PRR14L: variants seen among roughly 807,000 people sequenced by gnomAD.
PRR14L encodes the protein protein PRR14L.
PRR14L carries 80 observed loss-of-function variants against 155.0 expected under a neutral mutation model. The ratio of observed to expected loss-of-function variants is 0.52; its 90% CI spans 0.43 to 0.62. The LOEUF is 0.62. Among genes scored for constraint, PRR14L ranks in the 20% least tolerant of loss-of-function variants. The probability of loss-of-function intolerance (pLI) is 0.00; values close to 1 mark genes in which losing one functional copy is unlikely to be tolerated. For missense variants in PRR14L, 2,469 were observed against 2,548.0 expected, an observed-to-expected ratio of 0.97 and a Z score of 0.67; for synonymous variants, 883 against 916.0, an observed-to-expected ratio of 0.96 and a Z score of 0.65.
chr22:31,743,533 G>A (rs959789544), intron 1 of PRR14L, among the ~76,000 whole-genome samples: 2 of 152,012 alleles, frequency 1.3e-5, no homozygotes, highest in African/African-American at 2.4e-5. Context: ...GGGAGCGGTG[G>A]CTCAAGCCTG....
chr22:31,738,059 C>T (rs2074791926), intron 2 of PRR14L, among the ~76,000 whole-genome samples: 1 of 151,748 alleles, frequency 6.6e-6, no homozygotes, highest in South Asian at 2.1e-4. Flanking sequence ...TGATACCTCA[C>T]TCCAACCTAC....
intron 1 of PRR14L, among the ~76,000 whole-genome samples, chr22:31,741,590 G>A (rs2074813377): frequency 6.6e-6 from 1 of 152,206 alleles, no homozygotes; most frequent in African/African-American, 2.4e-5. Flanking sequence ...AGTGCTGTAA[G>A]GCTGGGTGCG....
intron 2 of PRR14L, among the ~76,000 whole-genome samples, chr22:31,728,468 C>G (rs1028823165): frequency 2.0e-5 from 3 of 151,990 alleles, no homozygotes. Context: ...ATATAATTAG[C>G]TGGGCATGGT....
intron 1 of PRR14L, among the ~76,000 whole-genome samples, chr22:31,746,429 G>C (rs1219327216): frequency 6.6e-6 from 1 of 152,192 alleles, no homozygotes; most frequent in African/African-American, 2.4e-5. Flanking sequence ...TGAAGTAAAA[G>C]GGAAGAGTGA....
rs1415963077 is a variant in PRR14L at position 31,684,965 on chromosome 22, CACAA to C, written c.*558_*561del. ...AAACGATGGGAAAAAGCCACACACACACAAACACTCTCACATACACTCACATCAA... is the reference window on the plus strand; with the variant it reads ...AAACGATGGGAAAAAGCCACACACACACACTCTCACATACACTCACATCAA... On this transcript the variant is annotated 3_prime_UTR_variant, in exon 9 of 9. Transcript: ENST00000327423. 4 of 152,620 alleles carry C rather than the reference CACAA, an allele frequency of 2.6e-5. No homozygotes were observed. Among genetic ancestry groups the C allele is most frequent in the African/African-American group, 4.8e-5 (2 of 41,442 alleles). The allele number at this position is 152,620 out of a possible 1,614,324, so 9.5% of individuals were successfully genotyped here.
At chr22:31,728,017 CAAT>C (rs2074727076) in intron 2 of PRR14L, among the ~76,000 whole-genome samples, 1 of 151,252 alleles carries the variant, frequency 6.6e-6, no homozygotes, top group African/African-American at 2.4e-5. Flanking sequence ...AATCAATCGA[CAAT>C]AAAAGAGTGT....
rs765077953 is a variant in PRR14L, at chr22:31,716,006, T to C, written c.1833A>G (p.Lys611=). The C allele has an allele frequency of 8.4e-6, 13 of 1,550,774 alleles. No individual in the cohort carries two copies. The highest frequency in any genetic ancestry group is 1.1e-5 in the Non-Finnish European group (13 of 1,146,878). ...TATCATCATGTGAGGTCTGTATAAC[T>C]TTTTCTGACTCAGGTCTGTAATCAA... is the stretch of plus-strand genomic sequence containing the variant. The part of the protein sequence containing the change: ...PEFDYRPESE[K]VIQTSHDDIP... The change falls in exon 4 of 9, where the codon AAA becomes AAG. Residue 611 remains lysine (K), a synonymous_variant. Transcript: ENST00000327423.
chr22:31,688,265 T>A, intron 7 of PRR14L, 38 bp from the exon 8 acceptor site: 1 of 1,525,784 alleles, frequency 6.6e-7, no homozygotes. Context: ...TCAGGTTCTC[T>A]CTCTCTTTTT....
Position 31,738,787 on chromosome 22 carries a change from T to C in PRR14L, c.74A>G (p.Tyr25Cys). Reference protein sequence around the residue: ...SSMSAVVQELYSELPVSVSRE... With the variant: ...SSMSAVVQELCSELPVSVSRE... ...GGAGACACTTACTGGGAGTTCAGAGTATAATTCCTGTACCACGGCAGACAT... is the reference window on the plus strand; with the variant it reads ...GGAGACACTTACTGGGAGTTCAGAGCATAATTCCTGTACCACGGCAGACAT... Residue 25 changes from tyrosine to cysteine, a missense_variant, in exon 2 of 9, where the codon TAC becomes TGC. This residue lies in a region of PRR14L where 2,363 missense variants were observed against 2,371.6 expected (regional missense o/e 1.00). Coordinates refer to ENST00000327423, the MANE Select transcript of PRR14L (RefSeq NM_173566.3). 6.4e-7 allele frequency: 1 copy of C among 1,551,552 alleles called. No individual in the cohort carries two copies. Among genetic ancestry groups the C allele is most frequent in the Non-Finnish European group, 8.7e-7 (1 of 1,147,056 alleles).
Position 31,712,993 on chromosome 22 carries a change from G to A in PRR14L, c.4846C>T (p.Leu1616=), listed in dbSNP as rs1025192581. The A allele has an allele frequency of 6.4e-7, 1 of 1,551,854 alleles. No homozygotes were observed. Among genetic ancestry groups the A allele is most frequent in the Non-Finnish European group, 8.7e-7 (1 of 1,147,082 alleles). The change falls in exon 4 of 9, where the codon CTA becomes TTA. Residue 1616 remains leucine (L), a synonymous_variant. Coordinates refer to ENST00000327423, the MANE Select transcript of PRR14L (RefSeq NM_173566.3). ...GAGGCAAGGATGGACAGCTTGTTTA[G>A]TAAGGCTGATTCTTTGGTAGTCTTC... ...FRKTTKESAL[L]NKLSILASKL... is the part of the protein sequence containing the mutation.
At chr22:31,686,358 T>C (rs1274218749) in intron 8 of PRR14L, among the ~76,000 whole-genome samples, 3 of 151,070 alleles carry the variant, frequency 2.0e-5, no homozygotes, top group Non-Finnish European at 2.9e-5. Flanking sequence ...TTCGCCCGCC[T>C]CGGCTTCCCA....
At chr22:31,741,523 G>A (rs1856093527) in intron 1 of PRR14L, among the ~76,000 whole-genome samples, 1 of 152,124 alleles carries the variant, frequency 6.6e-6, no homozygotes, top group Non-Finnish European at 1.5e-5. Context: ...TAAACTGTGT[G>A]TACAGGGGAA....
intron 3 of PRR14L, among the ~76,000 whole-genome samples, chr22:31,723,168 C>T (rs1027324626): frequency 1.3e-5 from 2 of 152,128 alleles, no homozygotes; most frequent in Non-Finnish European, 2.9e-5. Flanking sequence ...ATGCTGATTT[C>T]AAGCTCGCCT....
intron 7 of PRR14L, among the ~76,000 whole-genome samples, chr22:31,698,484 T>C (rs1449793612): frequency 6.8e-6 from 1 of 147,390 alleles, no homozygotes; most frequent in Non-Finnish European, 1.5e-5. Context: ...ATCTCAAAAC[T>C]ACATCTCAAA....
At chr22:31,694,694 G>A (rs981437160) in intron 7 of PRR14L, among the ~76,000 whole-genome samples, 7 of 151,424 alleles carry the variant, frequency 4.6e-5, no homozygotes, top group African/African-American at 1.7e-4. Context: ...AGAGCTTGCA[G>A]TGAGCTGAGA....
rs773067873 is a variant in PRR14L, at chr22:31,717,040, G to A, written c.799C>T (p.Pro267Ser). ...AATTCTTCACATTCTTTTTCTTTAG[G>A]AGTTGCTTCTGTTAATACAGGGTCC... ...FVDPVLTEATPKEKECEELKS... is the reference protein window; with the variant it reads ...FVDPVLTEATSKEKECEELKS... Residue 267 changes from proline (P) to serine (S), a missense_variant, in exon 4 of 9, where the codon CCT becomes TCT. By Grantham distance (74) the Pro-to-Ser change is moderately conservative (BLOSUM62 -1). Transcript: ENST00000327423. 49 of 1,551,602 alleles carry A rather than the reference G, an allele frequency of 3.2e-5. No individual in the cohort carries two copies. Among genetic ancestry groups the A allele is most frequent in the Middle Eastern group, 1.7e-4 (1 of 6,014 alleles).
rs776653356 is a variant in PRR14L, at chr22:31,715,985, A to T, written c.1854T>A (p.Asp618Glu). Reference protein sequence around the residue: ...ESEKVIQTSHDDIPLLDEQSI... With the variant: ...ESEKVIQTSHEDIPLLDEQSI... Reference sequence around the variant, plus strand: ...TCTGTTCATCTAAAAGTGGAATATCATCATGTGAGGTCTGTATAACTTTTT... The same window carrying T: ...TCTGTTCATCTAAAAGTGGAATATCTTCATGTGAGGTCTGTATAACTTTTT... Residue 618 changes from aspartate to glutamate, a missense_variant, in exon 4 of 9, where the codon GAT becomes GAA. Physicochemically the swap from Asp to Glu is conservative, Grantham distance 45 (BLOSUM62 2). Transcript: ENST00000327423. 36 of 1,551,302 alleles carry T rather than the reference A, an allele frequency of 2.3e-5. No individual in the cohort carries two copies. Among genetic ancestry groups the T allele is most frequent in the Non-Finnish European group, 1.7e-6 (2 of 1,146,918 alleles).
chr22:31,683,390 T>TTAA lies in PRR14L; in HGVS notation c.*2134_*2136dup, dbSNP rs2074464714. 6.6e-6 allele frequency: 1 copy of TTAA among 152,234 alleles called. No individual in the cohort carries two copies. The highest frequency in any genetic ancestry group is 2.1e-4 in the South Asian group (1 of 4,838). The allele number at this position is 152,234 out of a possible 1,614,324, so 9.4% of individuals were successfully genotyped here. ...CTGCAACCTGTCCAGTAGGAGCTCC[T>TTAA]TAAACATGCCTGGACAAGGGCAAAA... On this transcript the variant is annotated 3_prime_UTR_variant, in exon 9 of 9. Transcript: ENST00000327423.
chr22:31,734,543 G>C (rs1375218850), intron 2 of PRR14L, among the ~76,000 whole-genome samples: 2 of 152,182 alleles, frequency 1.3e-5, no homozygotes, highest in East Asian at 3.8e-4. Context: ...GATTTCCAAA[G>C]GGTCCTGTGA....
Sources: allele counts gnomAD v4.1 joint callset (sites outside exome capture counted in the v4.1 genomes callset), GRCh38; gene constraint gnomAD v4.1.1; regional missense constraint gnomAD v4.1.1; transcripts MANE v1.5; gene names NCBI Gene and HGNC (gene_info 2026-07-23, HGNC 2026-07-21).